The following MITF variants were observed in gnomAD, a reference collection of about 807,000 sequenced individuals.
The protein encoded by MITF is melanocyte inducing transcription factor, also known as microphthalmia-associated transcription factor.
MITF carries 17 observed loss-of-function variants against 60.5 expected under a neutral mutation model. That is an observed-to-expected ratio of 0.28 (90% confidence interval 0.19 to 0.42). The LOEUF (loss-of-function observed/expected upper bound fraction) is 0.42. Among genes scored for constraint, MITF ranks in the 10% least tolerant of loss-of-function variants. The pLI is 1.00. For synonymous variants in MITF, 260 were observed against 248.5 expected, an observed-to-expected ratio of 1.05 and a Z score of -0.43; for missense variants, 622 against 683.5, an observed-to-expected ratio of 0.91 and a Z score of 1.00.
chr3:69,812,956 G>A (rs2063123844), intron 1 of MITF, among the ~76,000 whole-genome samples: 1 of 152,092 alleles, frequency 6.6e-6, no homozygotes, highest in East Asian at 1.9e-4. Flanking sequence ...CACATAAAAC[G>A]AATGTGTAAG....
chr3:69,811,007 G>A, intron 1 of MITF, among the ~76,000 whole-genome samples: 1 of 152,270 alleles, frequency 6.6e-6, no homozygotes, highest in South Asian at 2.1e-4. Flanking sequence ...AGATGTTGAA[G>A]AAGTTCTGTA....
chr3:69,757,421 C>T (rs1704192000), intron 1 of MITF, among the ~76,000 whole-genome samples: 1 of 152,072 alleles, frequency 6.6e-6, no homozygotes, highest in South Asian at 2.1e-4. Context: ...AAAAGACAAA[C>T]ACACTGAAGA....
intron 6 of MITF, among the ~76,000 whole-genome samples, chr3:69,949,625 T>C (rs548458141): frequency 6.6e-6 from 1 of 152,328 alleles, no homozygotes; most frequent in African/African-American, 2.4e-5. Flanking sequence ...ATTTCTCACA[T>C]CTTCAGATGC....
chr3:69,954,889 A>G (rs912058534), intron 7 of MITF, among the ~76,000 whole-genome samples: 1 of 152,188 alleles, frequency 6.6e-6, no homozygotes, highest in African/African-American at 2.4e-5. Context: ...AGGTGTACAG[A>G]CTATTAGTGG....
At chr3:69,825,356 T>A (rs1232009986) in intron 1 of MITF, among the ~76,000 whole-genome samples, 1 of 152,178 alleles carries the variant, frequency 6.6e-6, no homozygotes, top group Non-Finnish European at 1.5e-5. Flanking sequence ...AGTTTGCCAT[T>A]ATCTGTAATG....
chr3:69,864,485 C>G (rs537703101), intron 1 of MITF, among the ~76,000 whole-genome samples: 161 of 152,328 alleles, frequency 1.1e-3, no homozygotes, highest in African/African-American at 3.6e-3. Context: ...CACTTTTCTC[C>G]ACTTTGCACA....
At chr3:69,903,294 C>A (rs2065031635) in intron 2 of MITF, among the ~76,000 whole-genome samples, 1 of 152,168 alleles carries the variant, frequency 6.6e-6, no homozygotes, top group African/African-American at 2.4e-5. Context: ...TTTATAAAAT[C>A]TCCCTGTTTA....
At position 69,739,657 on chromosome 3, in the gene MITF, G is replaced by T. The variant is rs780642512; in HGVS notation, c.60G>T (p.Glu20Asp). 5.1e-6 allele frequency: 8 copies of T among 1,584,066 alleles called. No individual in the cohort carries two copies. Among genetic ancestry groups the T allele is most frequent in the South Asian group, 4.6e-5 (4 of 86,662 alleles). Residue 20 changes from glutamate (E) to aspartate (D), a missense_variant, in exon 1 of 10, where the codon GAG becomes GAT. By Grantham distance (45) the Glu-to-Asp change is conservative. This residue lies in a region of MITF where 149 missense variants were observed against 157.8 expected (regional missense o/e 0.94). Coordinates refer to ENST00000352241, the MANE Select transcript of MITF (RefSeq NM_001354604.2). ...DFEVGEEFHEEPKTYYELKSQ... is the reference protein window; with the variant it reads ...DFEVGEEFHEDPKTYYELKSQ... ...AAGTCGGGGAGGAGTTTCATGAAGA[G>T]CCCAAAACCTATTACGAACTCAAAA...
intron 1 of MITF, among the ~76,000 whole-genome samples, chr3:69,819,178 G>A (rs962780659): frequency 1.3e-5 from 2 of 152,146 alleles, no homozygotes; most frequent in South Asian, 2.1e-4. Context: ...CATCTGAAGG[G>A]CACAGTGATT....
chr3:69,877,342 A>C (rs2064378555), intron 1 of MITF, among the ~76,000 whole-genome samples: 1 of 152,168 alleles, frequency 6.6e-6, no homozygotes, highest in Non-Finnish European at 1.5e-5. Context: ...AATTGTATGA[A>C]CAATTTTTAG....
At chr3:69,914,921 A>T (rs775486939) in intron 2 of MITF, among the ~76,000 whole-genome samples, 1 of 152,202 alleles carries the variant, frequency 6.6e-6, no homozygotes, top group East Asian at 1.9e-4. Flanking sequence ...AGGACAGTTC[A>T]TATAAAGTCA....
intron 1 of MITF, among the ~76,000 whole-genome samples, chr3:69,740,950 A>G (rs1304895637): frequency 2.0e-5 from 3 of 152,138 alleles, no homozygotes; most frequent in Admixed American, 2.0e-4. Context: ...TTCTTTTTCT[A>G]GTGGAAAGTG....
chr3:69,767,400 A>G (rs957960265), intron 1 of MITF, among the ~76,000 whole-genome samples: 2 of 152,106 alleles, frequency 1.3e-5, no homozygotes, highest in South Asian at 2.1e-4. Context: ...CCTGACCAAC[A>G]TGATAAAACT....
chr3:69,942,144 C>T (rs903562122), intron 5 of MITF, among the ~76,000 whole-genome samples: 1 of 151,972 alleles, frequency 6.6e-6, no homozygotes, highest in Non-Finnish European at 1.5e-5. Context: ...TTCTTAATAA[C>T]TAGTGTTTTA....
At chr3:69,794,638 A>G (rs2062799217) in intron 1 of MITF, among the ~76,000 whole-genome samples, 1 of 152,242 alleles carries the variant, frequency 6.6e-6, no homozygotes, top group East Asian at 1.9e-4. Context: ...AGTGTCATCC[A>G]GGCTGCTTTG....
intron 1 of MITF, among the ~76,000 whole-genome samples, chr3:69,854,070 G>A (rs2063873263): frequency 6.6e-6 from 1 of 151,828 alleles, no homozygotes; most frequent in African/African-American, 2.4e-5. Flanking sequence ...GGCTGGTCTC[G>A]AACTCCTGAC....
At chr3:69,810,517 C>CT (rs2063083757) in intron 1 of MITF, among the ~76,000 whole-genome samples, 1 of 152,208 alleles carries the variant, frequency 6.6e-6, no homozygotes, top group East Asian at 1.9e-4. Context: ...TTTAAAATAA[C>CT]TTTTTTAACA....
At chr3:69,949,447 C>T (rs2066186228) in intron 6 of MITF, among the ~76,000 whole-genome samples, 1 of 151,946 alleles carries the variant, frequency 6.6e-6, no homozygotes, top group South Asian at 2.1e-4. Flanking sequence ...TGGTGAAGGT[C>T]CCCTTTGTGT....
intron 2 of MITF, among the ~76,000 whole-genome samples, chr3:69,907,917 G>A (rs1240471545): frequency 6.6e-6 from 1 of 152,184 alleles, no homozygotes; most frequent in Non-Finnish European, 1.5e-5. Flanking sequence ...CTTAAAAACA[G>A]TAAGTGTTAC....
Sources: allele counts gnomAD v4.1 joint callset (sites outside exome capture counted in the v4.1 genomes callset), GRCh38; gene constraint gnomAD v4.1.1; regional missense constraint gnomAD v4.1.1; transcripts MANE v1.5; gene names NCBI Gene and HGNC (gene_info 2026-07-23, HGNC 2026-07-21).